The following ATF6 variants were observed in gnomAD, a reference collection of about 807,000 sequenced individuals.
ATF6 encodes activating transcription factor 6, also known as cyclic AMP-dependent transcription factor ATF-6 alpha.
In ATF6, 53 loss-of-function variants were observed where a neutral mutation model predicts 83.6. The ratio of observed to expected loss-of-function variants is 0.63; its 90% CI spans 0.51 to 0.80. The LOEUF is 0.80. Ranked by LOEUF, ATF6 falls within the 30% of genes least tolerant of loss-of-function variation. ATF6 has a pLI of 0.00. For synonymous variants in ATF6, 288 were observed against 285.8 expected (o/e 1.01, Z -0.08); for missense variants, 744 against 797.9 (o/e 0.93, Z 0.81).
intron 1 of ATF6, among the ~76,000 whole-genome samples, chr1:161,772,395 GT>G (rs1684405934): frequency 6.6e-6 from 1 of 152,150 alleles, no homozygotes; most frequent in South Asian, 2.1e-4. Context: ...TCCTCTCACT[GT>G]CCCATTCTGA....
chr1:161,791,265 A>G (rs1684873597), intron 4 of ATF6, 143 bp from the exon 5 acceptor site: 1 of 496,244 alleles, frequency 2.0e-6, no homozygotes, highest in African/African-American at 2.0e-5. Context: ...TTATTACTTA[A>G]TATATATATA....
At chr1:161,857,769 G>T (rs1429707408) in intron 12 of ATF6, among the ~76,000 whole-genome samples, 8 of 151,824 alleles carry the variant, frequency 5.3e-5, no homozygotes, top group African/African-American at 1.7e-4. Context: ...TTATTATGGG[G>T]TTTACAGCTT....
intron 9 of ATF6, among the ~76,000 whole-genome samples, chr1:161,838,437 A>G (rs1010110330): frequency 6.6e-6 from 1 of 152,210 alleles, no homozygotes; most frequent in African/African-American, 2.4e-5. Flanking sequence ...AGTTCAGGAC[A>G]GACAGTTCTT....
chr1:161,820,169 C>G (rs1260915008), intron 8 of ATF6, among the ~76,000 whole-genome samples: 1 of 152,070 alleles, frequency 6.6e-6, no homozygotes, highest in East Asian at 1.9e-4. Context: ...TTTATTTTTT[C>G]TCAGTCCACC....
chr1:161,850,194 A>G (rs544037439), intron 10 of ATF6, among the ~76,000 whole-genome samples: 45 of 152,212 alleles, frequency 3.0e-4, no homozygotes, highest in South Asian at 2.5e-3. Flanking sequence ...CACTTTTATG[A>G]CTTCTTATTA....
At chr1:161,878,208 G>T (rs1687256915) in intron 14 of ATF6, among the ~76,000 whole-genome samples, 1 of 151,990 alleles carries the variant, frequency 6.6e-6, no homozygotes. Flanking sequence ...CTGCCTCCTG[G>T]GTTCAGATGA....
rs926171647 is a variant in ATF6, at chr1:161,819,681, G to C, written c.958G>C (p.Ala320Pro). 6.2e-7 allele frequency: 1 copy of C among 1,610,844 alleles called. No individual in the cohort carries two copies. Among genetic ancestry groups the C allele is most frequent in the Admixed American group, 1.7e-5 (1 of 59,530 alleles). ...ACGTATGATAAAAAATCGAGAATCCGCTTGTCAGTCTCGCAAGAAGAAGAA... is the reference window on the plus strand; with the variant it reads ...ACGTATGATAAAAAATCGAGAATCCCCTTGTCAGTCTCGCAAGAAGAAGAA... ...QQRMIKNRESACQSRKKKKEY... is the reference protein window; with the variant it reads ...QQRMIKNRESPCQSRKKKKEY... Residue 320 changes from alanine (A) to proline (P), a missense_variant, in exon 8 of 16, where the codon GCT becomes CCT. Ala to Pro is a conservative substitution (Grantham distance 27). Transcript: ENST00000367942.
intron 15 of ATF6, among the ~76,000 whole-genome samples, chr1:161,913,293 G>A (rs4657121): frequency 0.21 from 31,928 of 152,042 alleles, 4,078 homozygotes; most frequent in Non-Finnish European, 0.28. Context: ...ACCTGCAGTC[G>A]AACCAGTTCA....
intron 14 of ATF6, among the ~76,000 whole-genome samples, chr1:161,870,632 T>C (rs1336716823): frequency 6.6e-6 from 1 of 151,792 alleles, no homozygotes; most frequent in Non-Finnish European, 1.5e-5. Context: ...TGTTGTGTGG[T>C]TTTAGAGGAT....
chr1:161,773,061 G>A (rs1329691300), intron 1 of ATF6, among the ~76,000 whole-genome samples: 1 of 149,068 alleles, frequency 6.7e-6, no homozygotes, highest in Non-Finnish European at 1.5e-5. Flanking sequence ...TCCACCTCCT[G>A]GATTCAAGCG....
intron 7 of ATF6, among the ~76,000 whole-genome samples, chr1:161,803,678 C>T (rs1426754574): frequency 6.6e-6 from 1 of 151,930 alleles, no homozygotes; most frequent in Non-Finnish European, 1.5e-5. Flanking sequence ...AAAATTTCTA[C>T]AATATGTTAA....
intron 7 of ATF6, among the ~76,000 whole-genome samples, chr1:161,808,320 C>T (rs1685354087): frequency 6.6e-6 from 1 of 152,192 alleles, no homozygotes; most frequent in Non-Finnish European, 1.5e-5. Context: ...GGGAGACAGT[C>T]CTTTTATACC....
chr1:161,781,869 GTTTTA>G (rs756390478), intron 2 of ATF6, 38 bp from the exon 3 acceptor site: 1 of 1,347,830 alleles, frequency 7.4e-7, no homozygotes, highest in South Asian at 1.2e-5. Flanking sequence ...AGATGTGTAT[GTTTTA>G]TTCTTTTAAT....
At chr1:161,878,954 C>A (rs971800942) in intron 14 of ATF6, among the ~76,000 whole-genome samples, 1 of 152,020 alleles carries the variant, frequency 6.6e-6, no homozygotes, top group African/African-American at 2.4e-5. Flanking sequence ...TATTTTCAAA[C>A]TCTAGATATC....
intron 9 of ATF6, among the ~76,000 whole-genome samples, chr1:161,829,734 G>T (rs1316952263): frequency 2.0e-5 from 3 of 152,018 alleles, no homozygotes; most frequent in African/African-American, 7.2e-5. Context: ...TGCAGAAAAG[G>T]CCTTTGACAA....
intron 1 of ATF6, 76 bp downstream of exon 1, chr1:161,766,518 C>T: frequency 1.4e-6 from 2 of 1,443,798 alleles, no homozygotes; most frequent in Non-Finnish European, 1.9e-6. Context: ...CTTCCGCCCA[C>T]TCGTGGTGAC....
chr1:161,858,951 C>T (rs1438073632), intron 12 of ATF6, among the ~76,000 whole-genome samples: 1 of 152,128 alleles, frequency 6.6e-6, no homozygotes, highest in East Asian at 1.9e-4. Flanking sequence ...TTCATATGGG[C>T]CAAAGTAGCA....
chr1:161,872,054 A>G lies in ATF6; in HGVS notation c.1719+8742A>G, dbSNP rs186508950. Among the ~76,000 whole-genome samples the G allele has an allele frequency of 2.6e-5, 4 of 151,770 alleles. No individual in the cohort carries two copies. The East Asian group carries it at 7.7e-4, about 29-fold the overall frequency. The stretch of plus-strand genomic sequence containing the variant: ...TGAATAGCTGGCAGTTTTGTAATTT[A>G]TTTAATAACACTTATACAGAACACA... On this transcript the variant is annotated intron_variant, in intron 14 of 15. Coordinates refer to ENST00000367942, the MANE Select transcript of ATF6 (RefSeq NM_007348.4).
intron 14 of ATF6, among the ~76,000 whole-genome samples, chr1:161,871,863 T>TGC (rs1186547681): frequency 1.3e-5 from 2 of 151,628 alleles, no homozygotes; most frequent in Admixed American, 6.6e-5. Context: ...TGTGTGTGTG[T>TGC]GCTTTCCTCT....
Sources: allele counts gnomAD v4.1 joint callset (sites outside exome capture counted in the v4.1 genomes callset), GRCh38; gene constraint gnomAD v4.1.1; transcripts MANE v1.5; gene names NCBI Gene and HGNC (gene_info 2026-07-23, HGNC 2026-07-21).